CELA2A: variants seen among roughly 807,000 people sequenced by gnomAD.
CELA2A encodes the protein chymotrypsin-like elastase family member 2A.
Under a neutral mutation model 35.3 loss-of-function variants are expected in CELA2A, and 31 were observed. The observed-to-expected ratio is 0.88, with a 90% CI of 0.66 to 1.19. The LOEUF (loss-of-function observed/expected upper bound fraction) is 1.19, where lower values mean the gene tolerates loss of function less well. Ranked by LOEUF, CELA2A falls within the 50% of genes most tolerant of loss-of-function variation. The probability of loss-of-function intolerance (pLI) is 0.00; values close to 1 mark genes in which losing one functional copy is unlikely to be tolerated. For synonymous variants in CELA2A, 150 were observed against 149.8 expected (o/e 1.00, Z -0.01); for missense variants, 330 against 352.9 (o/e 0.94, Z 0.52).
At chr1:15,469,157 G>A (rs1228611512) in intron 7 of CELA2A, among the ~76,000 whole-genome samples, 13 of 152,072 alleles carry the variant, frequency 8.5e-5, no homozygotes, top group East Asian at 5.8e-4. Context: ...CAGCCTGGGC[G>A]ACAGAGCGAG....
chr1:15,466,044 T>G lies in CELA2A; in HGVS notation c.539T>G (p.Val180Gly), dbSNP rs771551079. ...GTCCTGCAGCAGGGCCGGTTGCTGG[T>G]TGTGGACTATGCCACCTGCTCCAGC... is the stretch of plus-strand genomic sequence containing the variant. The part of the protein sequence containing the change: ...PDVLQQGRLL[V>G]VDYATCSSSA... Residue 180 changes from valine (V) to glycine (G), a missense_variant, in exon 6 of 8, where the codon GTT becomes GGT. Coordinates refer to ENST00000359621, the MANE Select transcript of CELA2A (RefSeq NM_033440.3). 1.2e-6 allele frequency: 2 copies of G among 1,614,036 alleles called. No homozygotes were observed. The highest frequency in any genetic ancestry group is 2.7e-5 in the African/African-American group (2 of 74,922).
rs114151654 is a variant in CELA2A, at chr1:15,470,187, C to T, written c.793-1803C>T. ...GTCCTTGGGTGGGGGCTGCCCCTGG[C>T]AGCAGCGGAGGAGCTAGTGAAACCT... On this transcript the variant is annotated intron_variant, in intron 7 of 7. Coordinates refer to ENST00000359621, the MANE Select transcript of CELA2A (RefSeq NM_033440.3). Among the ~76,000 whole-genome samples, 1,205 of 152,276 alleles carry T rather than the reference C, an allele frequency of 7.9e-3. 17 individuals are homozygous for T. Among genetic ancestry groups the T allele is most frequent in the African/African-American group, 0.027 (1,110 of 41,548 alleles).
chr1:15,470,889 ATTG>A (rs1288903498), intron 7 of CELA2A, among the ~76,000 whole-genome samples: 1 of 152,110 alleles, frequency 6.6e-6, no homozygotes, highest in East Asian at 1.9e-4. Context: ...CCAAGTTGTC[ATTG>A]TTAACAGCTT....
rs775789289 is a variant in CELA2A at position 15,465,998 on chromosome 1, G to C, written c.494-1G>C. On this transcript the variant is annotated splice_acceptor_variant, in intron 5 of 7. Coordinates refer to ENST00000359621, the MANE Select transcript of CELA2A (RefSeq NM_033440.3). LOFTEE classifies it high-confidence loss of function. Reference sequence around the variant, plus strand: ...AATGGCTTCTCTCTGATCTCATTCAGCCAACGGGGCTGTTCCTGATGTCCT... The same window carrying C: ...AATGGCTTCTCTCTGATCTCATTCACCCAACGGGGCTGTTCCTGATGTCCT... The C allele has an allele frequency of 1.2e-6, 2 of 1,614,102 alleles. No individual in the cohort carries two copies. The highest frequency in any genetic ancestry group is 1.7e-5 in the Admixed American group (1 of 60,022).
intron 7 of CELA2A, among the ~76,000 whole-genome samples, chr1:15,468,512 A>T (rs1218506376): frequency 1.3e-5 from 2 of 152,210 alleles, no homozygotes; most frequent in Admixed American, 1.3e-4. Context: ...AAAATTATTT[A>T]TTAAAAATAA....
At chr1:15,459,338 T>C (rs1244556726) in intron 2 of CELA2A, among the ~76,000 whole-genome samples, 1 of 99,956 alleles carries the variant, frequency 1.0e-5, no homozygotes, top group African/African-American at 3.1e-5. Flanking sequence ...AAGTTTCTTT[T>C]TTTTTTTTTA....
intron 3 of CELA2A, chr1:15,461,895 G>T: frequency 1.5e-6 from 1 of 685,874 alleles, no homozygotes; most frequent in South Asian, 1.5e-5. Flanking sequence ...AAGAGGAGGG[G>T]AAGGCCCAAT....
In CELA2A at chr1:15,463,399, C is replaced by T. The variant is rs1708466717; in HGVS notation, c.370C>T (p.Leu124=). The change falls in exon 5 of 8, where the codon CTG becomes TTG. Residue 124 remains leucine, a synonymous_variant. Coordinates refer to ENST00000359621, the MANE Select transcript of CELA2A (RefSeq NM_033440.3). ...ACACTCACCCAGGAACGACATTGCC[C>T]TGCTCAAACTGGCTAACCCCGTCTC... ...NQISKGNDIA[L]LKLANPVSLT... 1.9e-6 allele frequency: 3 copies of T among 1,613,692 alleles called. No individual in the cohort carries two copies. Among genetic ancestry groups the T allele is most frequent in the African/African-American group, 1.3e-5 (1 of 74,924 alleles).
At chr1:15,456,985 G>A in intron 1 of CELA2A, 101 bp from the exon 2 acceptor site, 3 of 1,338,250 alleles carry the variant, frequency 2.2e-6, no homozygotes, top group South Asian at 1.2e-5. Flanking sequence ...GATCCTTCTA[G>A]AACAAGGGTT....
chr1:15,461,456 C>G, intron 2 of CELA2A, 105 bp from the exon 3 acceptor site: 1 of 1,222,370 alleles, frequency 8.2e-7, no homozygotes, highest in African/African-American at 1.5e-5. Flanking sequence ...AGGCGACTGC[C>G]TCACTCCCCC....
At chr1:15,468,091 TAAAA>T (rs35520894) in intron 7 of CELA2A, among the ~76,000 whole-genome samples, 15 of 86,430 alleles carry the variant, frequency 1.7e-4, no homozygotes, top group Non-Finnish European at 2.9e-4. Context: ...AAACTCCATC[TAAAA>T]AAAAAAAAAA....
chr1:15,462,924 G>C (rs1462596268), intron 4 of CELA2A, 63 bp downstream of exon 4: 2 of 1,609,312 alleles, frequency 1.2e-6, no homozygotes, highest in African/African-American at 1.3e-5. Flanking sequence ...GGGTCTCACA[G>C]AGGCAAGGGT....
rs1708514600 is a variant in CELA2A at position 15,466,135 on chromosome 1, C to T, written c.630C>T (p.Ser210=). The change falls in exon 6 of 8, where the codon TCC becomes TCT. Residue 210 remains serine (S), a synonymous_variant. Transcript: ENST00000359621. ...MICAGGDGVI[S]SCNGDSGGPL... is the part of the protein sequence containing the mutation. ...GTGCTGGGGGTGATGGCGTGATCTC[C>T]AGCTGCAACGTGAGTACCAAAATCA... 1.9e-6 allele frequency: 3 copies of T among 1,613,762 alleles called. No homozygotes were observed. The highest frequency in any genetic ancestry group is 1.3e-5 in the African/African-American group (1 of 74,914).
rs1708455026 is a variant in CELA2A, at chr1:15,462,824, G to A, written c.319G>A (p.Val107Met). The A allele has an allele frequency of 2.5e-6, 4 of 1,614,118 alleles. No homozygotes were observed. Among genetic ancestry groups the A allele is most frequent in the East Asian group, 2.2e-5 (1 of 44,878 alleles). The change falls in exon 4 of 8, where the codon GTG becomes ATG. Residue 107 changes from valine to methionine, a missense_variant. Transcript: ENST00000359621. ...SLAVSVSKIV[V>M]HKDWNSNQIS... ...GGCAGTCAGTGTCTCTAAGATTGTGGTGCACAAGGACTGGAACTCCAACCA... is the reference window on the plus strand; with the variant it reads ...GGCAGTCAGTGTCTCTAAGATTGTGATGCACAAGGACTGGAACTCCAACCA...
chr1:15,470,538 C>T (rs1371927307), intron 7 of CELA2A, among the ~76,000 whole-genome samples: 2 of 152,108 alleles, frequency 1.3e-5, no homozygotes, highest in Non-Finnish European at 2.9e-5. Context: ...GAAGTCCCCC[C>T]TCATTTTACA....
chr1:15,463,609 A>G lies in CELA2A; in HGVS notation c.493+87A>G. 1.9e-6 allele frequency: 3 copies of G among 1,591,720 alleles called. No individual in the cohort carries two copies. In the South Asian group the frequency reaches 3.4e-5, roughly 18 times the overall value. On this transcript the variant is annotated intron_variant, in intron 5 of 7. Coordinates refer to ENST00000359621, the MANE Select transcript of CELA2A (RefSeq NM_033440.3). ...GTCTGGCCGGGGCCTCTCACCTGTC[A>G]TCCCAGGGTGTGTGGCTGCCTTGGA...
chr1:15,459,991 G>T (rs570671326), intron 2 of CELA2A, among the ~76,000 whole-genome samples: 1 of 151,174 alleles, frequency 6.6e-6, no homozygotes, highest in Admixed American at 6.6e-5. Flanking sequence ...CCTCACTAAC[G>T]AAGATGAATG....
chr1:15,465,470 G>T (rs766554231), intron 5 of CELA2A, among the ~76,000 whole-genome samples: 1 of 152,162 alleles, frequency 6.6e-6, no homozygotes, highest in Non-Finnish European at 1.5e-5. Context: ...TTTTCCCAAG[G>T]AGGGGGCTCT....
chr1:15,461,835 T>C (rs761214770), intron 3 of CELA2A, 177 bp downstream of exon 3: 2 of 774,884 alleles, frequency 2.6e-6, no homozygotes, highest in African/African-American at 1.7e-5. Context: ...TCAATGTCAG[T>C]ACATGGCATG....
Sources: allele counts gnomAD v4.1 joint callset (sites outside exome capture counted in the v4.1 genomes callset), GRCh38; gene constraint gnomAD v4.1.1; transcripts MANE v1.5; gene names NCBI Gene and HGNC (gene_info 2026-07-23, HGNC 2026-07-21).